Variants in ADD1 observed in about 807,000 individuals in gnomAD.
The protein encoded by ADD1 is alpha-adducin.
A neutral mutation model predicts 80.5 loss-of-function variants in ADD1; 24 were observed. That is an observed-to-expected ratio of 0.30 (90% CI 0.22 to 0.42). ADD1 has a LOEUF of 0.42. ADD1 is among the 10% of genes least tolerant of loss of function. The pLI is 1.00. For synonymous variants in ADD1, 373 were observed against 393.8 expected (o/e 0.95, Z 0.63); for missense variants, 948 against 1,019.0 (o/e 0.93, Z 0.95).
chr4:2,860,420 GTT>G (rs1327339773), intron 1 of ADD1, among the ~76,000 whole-genome samples: 1 of 152,328 alleles, frequency 6.6e-6, no homozygotes, highest in South Asian at 2.1e-4. Context: ...AATTTGGAGT[GTT>G]TTAGTTTGTT....
intron 4 of ADD1, among the ~76,000 whole-genome samples, chr4:2,885,786 A>AT (rs574192737): frequency 3.3e-5 from 5 of 151,466 alleles, no homozygotes; most frequent in East Asian, 3.9e-4. Context: ...ATTTTTTTGT[A>AT]TTTTTAGTAG....
intron 12 of ADD1, chr4:2,909,034 A>G (rs1464890363): frequency 4.2e-6 from 2 of 478,350 alleles, no homozygotes; most frequent in East Asian, 4.0e-5. Flanking sequence ...ATTTACACAC[A>G]TTTCTACAAA....
At chr4:2,889,609 G>A (rs932856253) in intron 4 of ADD1, among the ~76,000 whole-genome samples, 15 of 151,956 alleles carry the variant, frequency 9.9e-5, no homozygotes, top group East Asian at 7.7e-4. Flanking sequence ...ATCACCTGAC[G>A]TCAGGAGTTC....
Position 2,926,102 on chromosome 4 carries a change from G to C in ADD1, c.2037G>C (p.Lys679Asn). 1 of 1,614,100 alleles carries C rather than the reference G, an allele frequency of 6.2e-7. No homozygotes were observed. Among genetic ancestry groups the C allele is most frequent in the Non-Finnish European group, 8.5e-7 (1 of 1,179,986 alleles). The stretch of plus-strand genomic sequence containing the variant: ...ACCCGCCTCCCAGCACTCCCATCAA[G>C]CTGGAGGAAGGTGAGCTCTGGGTGG... Reference protein sequence around the residue: ...VPHPPPSTPIKLEEDLVPEPT... With the variant: ...VPHPPPSTPINLEEDLVPEPT... The change falls in exon 15 of 16, where the codon AAG becomes AAC. Residue 679 changes from lysine to asparagine, a missense_variant. By Grantham distance (94) the Lys-to-Asn change is moderately conservative. Coordinates refer to ENST00000683351, the MANE Select transcript of ADD1 (RefSeq NM_001354761.2). The surrounding 1 kb of genome is among the most constrained non-coding windows in gnomAD (Gnocchi z 5.0).
At chr4:2,886,917 T>C (rs1043525094) in intron 4 of ADD1, among the ~76,000 whole-genome samples, 32 of 152,236 alleles carry the variant, frequency 2.1e-4, no homozygotes, top group African/African-American at 7.0e-4. Context: ...ACAGCTGTGA[T>C]TGGAAACGTA....
chr4:2,878,046 C>A (rs1731643728), intron 2 of ADD1, among the ~76,000 whole-genome samples: 1 of 152,118 alleles, frequency 6.6e-6, no homozygotes, highest in Non-Finnish European at 1.5e-5. Flanking sequence ...TTGATGAGCC[C>A]ACAGAGGCAG....
In ADD1 at chr4:2,878,444, C is replaced by T. The variant is rs114257696; in HGVS notation, c.195+2334C>T. 9.2e-3 allele frequency among the ~76,000 whole-genome samples: 1,396 copies of T among 152,088 alleles called. 23 individuals are homozygous for T. The highest frequency in any genetic ancestry group is 0.032 in the African/African-American group (1,313 of 41,484). ...GGGAAAAAAAGAATCAGGATAGCACCGAGACTTTTGGCTTGAGCAGTTTAC... is the reference window on the plus strand; with the variant it reads ...GGGAAAAAAAGAATCAGGATAGCACTGAGACTTTTGGCTTGAGCAGTTTAC... On this transcript the variant is annotated intron_variant, in intron 2 of 15. Coordinates refer to ENST00000683351, the MANE Select transcript of ADD1 (RefSeq NM_001354761.2).
rs1285974083 is a variant in ADD1, at chr4:2,926,269, T to C, written c.2047+157T>C. On this transcript the variant is annotated intron_variant, in intron 15 of 15. Transcript: ENST00000683351. The surrounding 1 kb of genome is among the most constrained non-coding windows in gnomAD (Gnocchi z 5.0). Reference sequence around the variant, plus strand: ...CCTTTCTCCTCCTATATTGCTTCTGTCCTGGGTAACTCCAGGCAAAACAGA... The same window carrying C: ...CCTTTCTCCTCCTATATTGCTTCTGCCCTGGGTAACTCCAGGCAAAACAGA... 1 of 766,880 alleles carries C rather than the reference T, an allele frequency of 1.3e-6. No homozygotes were observed. Among genetic ancestry groups the C allele is most frequent in the Admixed American group, 2.0e-5 (1 of 49,968 alleles). 47.5% of individuals were successfully genotyped at this position (766,880 alleles called of 1,614,324 possible).
intron 1 of ADD1, among the ~76,000 whole-genome samples, chr4:2,856,999 A>G (rs1436723627): frequency 1.3e-5 from 2 of 151,258 alleles, no homozygotes; most frequent in African/African-American, 4.9e-5. Flanking sequence ...TGCAACCTCC[A>G]CCTCCTGGGT....
intron 7 of ADD1, 41 bp from the exon 8 acceptor site, chr4:2,898,392 C>G (rs1735614858): frequency 2.5e-6 from 4 of 1,613,790 alleles, no homozygotes; most frequent in Admixed American, 1.7e-5. Context: ...AAGGACCAGT[C>G]TTCCTGCCCA....
intron 2 of ADD1, among the ~76,000 whole-genome samples, chr4:2,879,351 C>T (rs1731859647): frequency 6.6e-6 from 1 of 152,086 alleles, no homozygotes; most frequent in African/African-American, 2.4e-5. Context: ...TTGTGTCTTC[C>T]TTACCAAGCT....
chr4:2,873,238 T>TG (rs1245911455), intron 1 of ADD1, among the ~76,000 whole-genome samples: 11 of 152,220 alleles, frequency 7.2e-5, no homozygotes, highest in African/African-American at 1.9e-4. Flanking sequence ...GGCATCCACT[T>TG]GCCTCGGCCT....
rs147784042 is a variant in ADD1 at position 2,865,023 on chromosome 4, A to G, written c.-20-10873A>G. Among the ~76,000 whole-genome samples, 576 of 152,316 alleles carry G rather than the reference A, an allele frequency of 3.8e-3. 3 individuals are homozygous for G. The highest frequency in any genetic ancestry group is 7.2e-3 in the Non-Finnish European group (490 of 68,026). ...TGGTCATCTCTGTCCCCATCCACCCAGCTCCCTGTTCCTCCTTACAAGTAA... is the reference window on the plus strand; with the variant it reads ...TGGTCATCTCTGTCCCCATCCACCCGGCTCCCTGTTCCTCCTTACAAGTAA... On this transcript the variant is annotated intron_variant, in intron 1 of 15. Transcript: ENST00000683351.
chr4:2,895,883 T>C (rs1328527811), intron 6 of ADD1, among the ~76,000 whole-genome samples: 1 of 152,022 alleles, frequency 6.6e-6, no homozygotes, highest in Non-Finnish European at 1.5e-5. Flanking sequence ...GATTCAGTAA[T>C]GCTGTATTTT....
intron 1 of ADD1, among the ~76,000 whole-genome samples, chr4:2,868,530 G>T (rs1008628803): frequency 1.3e-5 from 2 of 152,104 alleles, no homozygotes; most frequent in African/African-American, 4.8e-5. Context: ...GTTTCATTTT[G>T]GATGCAGACC....
chr4:2,883,760 C>T (rs896244219), intron 3 of ADD1, among the ~76,000 whole-genome samples: 2 of 152,060 alleles, frequency 1.3e-5, no homozygotes, highest in Non-Finnish European at 2.9e-5. Flanking sequence ...TAAGCTCCGC[C>T]TCCTGGGTTC....
chr4:2,844,445 G>A (rs1260947996), intron 1 of ADD1: 1 of 152,198 alleles, frequency 6.6e-6, no homozygotes, highest in Non-Finnish European at 1.5e-5. Context: ...GTCGGCTCTC[G>A]TATTTAAAAA....
At chr4:2,915,715 C>T (rs1299010842) in intron 14 of ADD1, among the ~76,000 whole-genome samples, 2 of 151,978 alleles carry the variant, frequency 1.3e-5, no homozygotes, top group African/African-American at 2.4e-5. Flanking sequence ...CCCAGCTACT[C>T]GGGAAGGCTG....
At chr4:2,849,345 C>T (rs924969895) in intron 1 of ADD1, among the ~76,000 whole-genome samples, 1 of 152,138 alleles carries the variant, frequency 6.6e-6, no homozygotes. Context: ...TACAATTGAT[C>T]TGAGCAATAT....
Sources: gnomAD v4.1 joint callset for allele counts (sites outside exome capture counted in the v4.1 genomes callset) on GRCh38, gnomAD v4.1.1 for gene constraint, Gnocchi (gnomAD v3.1) non-coding constraint, MANE v1.5 for transcripts, NCBI Gene and HGNC (gene_info 2026-07-23, HGNC 2026-07-21) for gene names.